Variants in NKAIN2 observed in about 807,000 individuals in gnomAD.
NKAIN2 encodes the protein sodium/potassium transporting ATPase interacting 2.
A neutral mutation model predicts 32.6 loss-of-function variants in NKAIN2; 14 were observed. That is an observed-to-expected ratio of 0.43 (90% confidence interval 0.28 to 0.67). NKAIN2 has a LOEUF of 0.67. Ranked by LOEUF, NKAIN2 falls within the 30% of genes least tolerant of loss-of-function variation. NKAIN2 has a pLI of 0.17. For missense variants in NKAIN2, 198 were observed against 258.3 expected (o/e 0.77, Z 1.60); for synonymous variants, 80 against 87.2 (o/e 0.92, Z 0.46).
At chr6:124,346,870 T>G (rs1256902113) in intron 2 of NKAIN2, among the ~76,000 whole-genome samples, 1 of 151,836 alleles carries the variant, frequency 6.6e-6, no homozygotes. Flanking sequence ...AATTTGATCC[T>G]GTCATTATGA....
chr6:124,023,878 G>A (rs796849684), intron 1 of NKAIN2, among the ~76,000 whole-genome samples: 86 of 152,148 alleles, frequency 5.7e-4, no homozygotes, highest in African/African-American at 1.9e-3. Flanking sequence ...GGCATCTAGA[G>A]CTTAGAAGCA....
At chr6:124,664,793 C>A (rs1384861754) in intron 4 of NKAIN2, among the ~76,000 whole-genome samples, 5 of 40,798 alleles carry the variant, frequency 1.2e-4, no homozygotes, top group African/African-American at 2.0e-4. Flanking sequence ...GACTCCGTCT[C>A]AAAAAAAAAA....
chr6:124,028,885 G>A (rs12204596), intron 1 of NKAIN2, among the ~76,000 whole-genome samples: 14 of 23,328 alleles, frequency 6.0e-4, no homozygotes, highest in Non-Finnish European at 1.1e-3. Flanking sequence ...GTATATATAT[G>A]TGTATATATA....
intron 3 of NKAIN2, among the ~76,000 whole-genome samples, chr6:124,556,747 T>C (rs2114880597): frequency 6.6e-6 from 1 of 152,340 alleles, no homozygotes; most frequent in Admixed American, 6.5e-5. Flanking sequence ...TTACATGTTT[T>C]ACAGCTGATA....
chr6:124,474,895 A>G (rs1307089343), intron 3 of NKAIN2, among the ~76,000 whole-genome samples: 1 of 78,688 alleles, frequency 1.3e-5, no homozygotes, highest in Non-Finnish European at 2.9e-5. Context: ...TATATTATAT[A>G]TGTATCATAT....
In NKAIN2 at chr6:124,281,328, A is replaced by G. The variant is rs374738669; in HGVS notation, c.55-1677A>G. On this transcript the variant is annotated intron_variant, in intron 1 of 6. Coordinates refer to ENST00000368417, the MANE Select transcript of NKAIN2 (RefSeq NM_001040214.3). Reference sequence around the variant, plus strand: ...TCTCAGAACAACTACTTAGTTTTTGATACCATTCACAGATTCTAACTTCGC... The same window carrying G: ...TCTCAGAACAACTACTTAGTTTTTGGTACCATTCACAGATTCTAACTTCGC... Among the ~76,000 whole-genome samples, 33 of 152,358 alleles carry G rather than the reference A, an allele frequency of 2.2e-4. 2 individuals are homozygous for G. In the South Asian group the frequency reaches 6.6e-3, roughly 31 times the overall value.
At chr6:124,431,429 T>G (rs2114565528) in intron 3 of NKAIN2, among the ~76,000 whole-genome samples, 1 of 152,298 alleles carries the variant, frequency 6.6e-6, no homozygotes, top group Non-Finnish European at 1.5e-5. Context: ...TTAAAATAAT[T>G]ACCACCATTG....
At chr6:124,435,906 CTAAAA>C (rs1288491368) in intron 3 of NKAIN2, among the ~76,000 whole-genome samples, 4 of 143,180 alleles carry the variant, frequency 2.8e-5, no homozygotes, top group African/African-American at 8.0e-5. Flanking sequence ...AATACAAATT[CTAAAA>C]TAAAAATACC....
chr6:124,412,837 T>C (rs75681701), intron 3 of NKAIN2, among the ~76,000 whole-genome samples: 1 of 152,214 alleles, frequency 6.6e-6, no homozygotes, highest in Non-Finnish European at 1.5e-5. Context: ...TCGAGCTTCC[T>C]GGCTGCTTTG....
At chr6:123,967,643 T>C (rs1778145948) in intron 1 of NKAIN2, among the ~76,000 whole-genome samples, 1 of 151,380 alleles carries the variant, frequency 6.6e-6, no homozygotes, top group Non-Finnish European at 1.5e-5. Flanking sequence ...ACAAAGCCAA[T>C]GTAACATCAC....
chr6:124,727,284 A>G (rs1328888707), intron 4 of NKAIN2, among the ~76,000 whole-genome samples: 1 of 152,130 alleles, frequency 6.6e-6, no homozygotes, highest in African/African-American at 2.4e-5. Context: ...AATGAAGGAA[A>G]AAATGTTAAC....
At chr6:124,129,925 G>A (rs1490425847) in intron 1 of NKAIN2, among the ~76,000 whole-genome samples, 1 of 152,100 alleles carries the variant, frequency 6.6e-6, no homozygotes, top group Non-Finnish European at 1.5e-5. Context: ...GCACTGAAGA[G>A]CAATTTTTTA....
intron 1 of NKAIN2, among the ~76,000 whole-genome samples, chr6:124,072,049 C>T (rs1783491302): frequency 6.6e-6 from 1 of 152,058 alleles, no homozygotes; most frequent in Non-Finnish European, 1.5e-5. Flanking sequence ...GCACAATTTA[C>T]AATAGCAAAA....
chr6:124,633,521 C>T (rs566482042), intron 3 of NKAIN2, among the ~76,000 whole-genome samples: 277 of 152,238 alleles, frequency 1.8e-3, no homozygotes, highest in Non-Finnish European at 3.2e-3. Flanking sequence ...AATTCATCAT[C>T]AATAACATCA....
intron 3 of NKAIN2, among the ~76,000 whole-genome samples, chr6:124,562,634 AAAAT>A (rs1780738420): frequency 6.6e-6 from 1 of 152,230 alleles, no homozygotes; most frequent in African/African-American, 2.4e-5. Flanking sequence ...TTTAAGAACA[AAAAT>A]AAACCTACTA....
At chr6:124,411,677 G>A (rs1482472491) in intron 3 of NKAIN2, among the ~76,000 whole-genome samples, 3 of 152,078 alleles carry the variant, frequency 2.0e-5, no homozygotes, top group African/African-American at 4.8e-5. Flanking sequence ...TGCTCTTCTC[G>A]AGGAGTATCT....
At chr6:124,208,984 CTT>C (rs1288050799) in intron 1 of NKAIN2, among the ~76,000 whole-genome samples, 1 of 151,454 alleles carries the variant, frequency 6.6e-6, no homozygotes, top group African/African-American at 2.4e-5. Context: ...CACTTCCACT[CTT>C]TTAATTATTT....
At chr6:124,025,469 A>G (rs1047851919) in intron 1 of NKAIN2, among the ~76,000 whole-genome samples, 2 of 152,160 alleles carry the variant, frequency 1.3e-5, no homozygotes, top group Non-Finnish European at 2.9e-5. Flanking sequence ...GAAAAAAAAA[A>G]AATGAACAAA....
intron 3 of NKAIN2, among the ~76,000 whole-genome samples, chr6:124,545,741 C>T (rs777399947): frequency 1.7e-4 from 26 of 151,726 alleles, no homozygotes; most frequent in Middle Eastern, 6.8e-3. Flanking sequence ...TTGATGACAC[C>T]GATATAGTTG....
Sources: gnomAD v4.1 joint callset for allele counts (sites outside exome capture counted in the v4.1 genomes callset) on GRCh38, gnomAD v4.1.1 for gene constraint, MANE v1.5 for transcripts, NCBI Gene and HGNC (gene_info 2026-07-23, HGNC 2026-07-21) for gene names.